The following MALRD1 variants were observed in gnomAD, a reference collection of about 807,000 sequenced individuals.
MALRD1 encodes MAM and LDL receptor class A domain containing 1.
A neutral mutation model predicts 242.1 loss-of-function variants in MALRD1; 247 were observed. The observed-to-expected ratio is 1.02, with a 90% CI of 0.92 to 1.13. The LOEUF (loss-of-function observed/expected upper bound fraction) is 1.13, where lower values mean the gene tolerates loss of function less well. Ranked by LOEUF, MALRD1 falls within the 50% of genes most tolerant of loss-of-function variation. The pLI is 0.00. For missense variants in MALRD1, 2,989 were observed against 2,533.1 expected (o/e 1.18, Z -3.86); for synonymous variants, 995 against 866.6 (o/e 1.15, Z -2.60).
intron 36 of MALRD1, among the ~76,000 whole-genome samples, chr10:19,626,350 A>G (rs190154039): frequency 2.5e-3 from 274 of 107,928 alleles, no homozygotes; most frequent in African/African-American, 9.3e-3. Flanking sequence ...GGATTATTCT[A>G]TTTGCTCACG....
At chr10:19,715,050 G>C (rs2478746) in intron 38 of MALRD1, among the ~76,000 whole-genome samples, 4 of 151,830 alleles carry the variant, frequency 2.6e-5, no homozygotes, top group African/African-American at 7.3e-5. Flanking sequence ...AAATATGTAC[G>C]TGCACTCTTT....
Position 19,165,276 on chromosome 10 carries a change from TTTTGTTTTTGTTTTG to T in MALRD1, c.1657-357_1657-343del, listed in dbSNP as rs1316603714. Among the ~76,000 whole-genome samples the T allele has an allele frequency of 1.7e-3, 246 of 141,788 alleles. 2 individuals carry two copies. The highest frequency in any genetic ancestry group is 6.3e-3 in the African/African-American group (230 of 36,290). The allele number at this position is 141,788 out of a possible 152,430, so 93.0% of individuals were successfully genotyped here. A position where few individuals can be genotyped will look rare whatever the true frequency, so the allele number is the denominator to read the frequency against. ...ATATATATATATATATTTTGTTTTG[TTTTGTTTTTGTTTTG>T]TTTTGTTTTGTTTTGTTTTGTTTTT... is the stretch of plus-strand genomic sequence containing the variant. On this transcript the variant is annotated intron_variant, in intron 12 of 39. Transcript: ENST00000454679.
At position 19,124,553 on chromosome 10, in the gene MALRD1, A is replaced by G; in HGVS notation, c.826A>G (p.Met276Val). 3 of 1,233,774 alleles carry G rather than the reference A, an allele frequency of 2.4e-6. No homozygotes were observed. Among genetic ancestry groups the G allele is most frequent in the Middle Eastern group, 2.1e-4 (1 of 4,838 alleles). The allele number at this position is 1,233,774 out of a possible 1,614,324, so 76.4% of individuals were successfully genotyped here. The change falls in exon 7 of 40, where the codon ATG becomes GTG. Residue 276 changes from methionine to valine, a missense_variant. Physicochemically the swap from Met to Val is conservative, Grantham distance 21 (BLOSUM62 1). Transcript: ENST00000454679. ...LCQACGFEFDMCEWTSEASAG... is the reference protein window; with the variant it reads ...LCQACGFEFDVCEWTSEASAG... ...TCAGGCCTGTGGGTTTGAATTTGAC[A>G]TGTGTGAGTGGACGTCAGAAGCATC...
At chr10:19,327,852 A>G (rs910112340) in intron 23 of MALRD1, among the ~76,000 whole-genome samples, 179 bp downstream of exon 23, 6 of 152,114 alleles carry the variant, frequency 3.9e-5, no homozygotes, top group African/African-American at 1.4e-4. Context: ...TGACAACTTC[A>G]GAATGCTCTA....
intron 14 of MALRD1, among the ~76,000 whole-genome samples, chr10:19,191,274 T>A (rs1835963193): frequency 6.6e-6 from 1 of 152,078 alleles, no homozygotes; most frequent in Non-Finnish European, 1.5e-5. Context: ...CCACCTTGCA[T>A]CCATTAGATT....
intron 1 of MALRD1, chr10:19,052,137 C>G: frequency 2.2e-6 from 1 of 444,596 alleles, no homozygotes; most frequent in Non-Finnish European, 4.4e-6. Flanking sequence ...AGTTGTCTTG[C>G]AAGAGCTTTG....
intron 38 of MALRD1, among the ~76,000 whole-genome samples, chr10:19,729,597 GT>G: frequency 6.6e-6 from 1 of 150,814 alleles, no homozygotes; most frequent in South Asian, 2.1e-4. Flanking sequence ...CCTTTCGTGT[GT>G]GTGTGTGTGT....
intron 25 of MALRD1, among the ~76,000 whole-genome samples, chr10:19,350,883 T>G (rs1376985145): frequency 6.6e-6 from 1 of 152,170 alleles, no homozygotes; most frequent in Non-Finnish European, 1.5e-5. Context: ...CTGGCCACTT[T>G]GTTTCTCACT....
At chr10:19,632,689 C>G (rs1839959626) in intron 36 of MALRD1, among the ~76,000 whole-genome samples, 2 of 152,052 alleles carry the variant, frequency 1.3e-5, no homozygotes, top group African/African-American at 4.8e-5. Flanking sequence ...TCCACCCTAA[C>G]CCCTTTCCAG....
At chr10:19,443,304 T>C (rs193067300) in intron 28 of MALRD1, among the ~76,000 whole-genome samples, 1 of 152,284 alleles carries the variant, frequency 6.6e-6, no homozygotes, top group Non-Finnish European at 1.5e-5. Context: ...AAGGGTTTTA[T>C]TGTGTTTCTA....
intron 28 of MALRD1, among the ~76,000 whole-genome samples, chr10:19,402,976 A>G (rs1355812799): frequency 6.7e-6 from 1 of 148,932 alleles, no homozygotes; most frequent in Non-Finnish European, 1.5e-5. Context: ...TCCGTAATAA[A>G]TGGCTCATTG....
chr10:19,169,300 A>G (rs1312062092), intron 13 of MALRD1, among the ~76,000 whole-genome samples: 2 of 152,204 alleles, frequency 1.3e-5, no homozygotes, highest in African/African-American at 4.8e-5. Context: ...TGGACTTGCA[A>G]TGATGTTCTG....
intron 21 of MALRD1, among the ~76,000 whole-genome samples, chr10:19,304,764 A>G (rs1220741770): frequency 2.6e-5 from 4 of 151,728 alleles, no homozygotes; most frequent in African/African-American, 4.8e-5. Flanking sequence ...GACCAAGGTC[A>G]TAAATAAACT....
chr10:19,466,512 T>A (rs1836223237), intron 29 of MALRD1, among the ~76,000 whole-genome samples: 1 of 152,214 alleles, frequency 6.6e-6, no homozygotes, highest in African/African-American at 2.4e-5. Flanking sequence ...CAAGAGAAGT[T>A]AACTTTCTCA....
rs930138041 is a variant in MALRD1, at chr10:19,715,085, G to A, written c.6315-15621G>A. Among the ~76,000 whole-genome samples the A allele has an allele frequency of 1.3e-4, 20 of 151,870 alleles. 1 individual carries two copies. Among genetic ancestry groups the A allele is most frequent in the Admixed American group, 6.6e-5 (1 of 15,240 alleles). On this transcript the variant is annotated intron_variant, in intron 38 of 39. Transcript: ENST00000454679. ...TTCCTCTTAAAATTGAAATTGCTACGAAATTTATTGCTCCTTATTTCCCTA... is the reference window on the plus strand; with the variant it reads ...TTCCTCTTAAAATTGAAATTGCTACAAAATTTATTGCTCCTTATTTCCCTA...
At chr10:19,558,034 A>G (rs1282760293) in intron 32 of MALRD1, among the ~76,000 whole-genome samples, 3 of 151,896 alleles carry the variant, frequency 2.0e-5, no homozygotes, top group African/African-American at 7.3e-5. Context: ...ATTGTTTTAA[A>G]TTTTGAATTT....
At chr10:19,526,365 A>ATACATATATATATATATATATAT (rs10695324) in intron 31 of MALRD1, among the ~76,000 whole-genome samples, 1 of 148,966 alleles carries the variant, frequency 6.7e-6, no homozygotes, top group African/African-American at 2.5e-5. Context: ...CCAAAAAAAA[A>ATACATATATATATATATATATAT]ATACATATAT....
At chr10:19,641,254 G>A (rs893480293) in intron 36 of MALRD1, among the ~76,000 whole-genome samples, 14 of 152,016 alleles carry the variant, frequency 9.2e-5, no homozygotes, top group African/African-American at 1.9e-4. Context: ...TAAAATAATC[G>A]AATAATGCAA....
At chr10:19,491,727 A>G in intron 30 of MALRD1, 82 bp downstream of exon 30, 4 of 1,417,700 alleles carry the variant, frequency 2.8e-6, no homozygotes, top group African/African-American at 1.4e-5. Context: ...GGTGTTGATG[A>G]TGGAGAAGAA....
Sources: allele counts gnomAD v4.1 joint callset (sites outside exome capture counted in the v4.1 genomes callset), GRCh38; gene constraint gnomAD v4.1.1; transcripts MANE v1.5; gene names NCBI Gene and HGNC (gene_info 2026-07-23, HGNC 2026-07-21).